CALHM4: variants seen among roughly 807,000 people sequenced by gnomAD.
CALHM4 encodes calcium homeostasis modulator protein 4.
In CALHM4, 16 loss-of-function variants were observed where a neutral mutation model predicts 13.3. That is an observed-to-expected ratio of 1.20 (90% confidence interval 0.81 to 1.82). The LOEUF (loss-of-function observed/expected upper bound fraction) is 1.82, where lower values mean the gene tolerates loss of function less well. CALHM4 is among the 40% of genes most tolerant of loss of function. The probability of loss-of-function intolerance (pLI) is 0.00; values close to 1 mark genes in which losing one functional copy is unlikely to be tolerated. For synonymous variants in CALHM4, 127 were observed against 137.1 expected (o/e 0.93, Z 0.52); for missense variants, 344 against 374.9 (o/e 0.92, Z 0.68).
intron 2 of CALHM4, among the ~76,000 whole-genome samples, chr6:116,546,315 A>G (rs1773779765): frequency 1.3e-5 from 2 of 152,204 alleles, no homozygotes; most frequent in Non-Finnish European, 2.9e-5. Flanking sequence ...TTATTTACGC[A>G]GAAATACTTA....
At chr6:116,535,368 A>G (rs1045806065) in intron 1 of CALHM4, among the ~76,000 whole-genome samples, 4 of 152,218 alleles carry the variant, frequency 2.6e-5, no homozygotes, top group African/African-American at 9.6e-5. Context: ...GCCAGTGCTC[A>G]TCTACTGGTG....
At chr6:116,545,441 G>A (rs1031916701) in intron 2 of CALHM4, 6 of 1,519,462 alleles carry the variant, frequency 3.9e-6, no homozygotes, top group Middle Eastern at 1.8e-4. Context: ...TTTCTCTGAA[G>A]TAGAAAAAAT....
intron 1 of CALHM4, 83 bp from the exon 2 acceptor site, chr6:116,557,742 T>C (rs1774389058): frequency 2.7e-6 from 4 of 1,477,268 alleles, no homozygotes; most frequent in Non-Finnish European, 3.7e-6. Flanking sequence ...CTTAGGTTTG[T>C]AGGAATCCCC....
chr6:116,532,271 T>C (rs771477106), intron 1 of CALHM4, among the ~76,000 whole-genome samples: 2 of 152,210 alleles, frequency 1.3e-5, no homozygotes, highest in Non-Finnish European at 2.9e-5. Flanking sequence ...TTGTCTTTTT[T>C]TTCCTTTTTC....
At chr6:116,532,057 AG>A (rs1190664747) in intron 1 of CALHM4, among the ~76,000 whole-genome samples, 4 of 152,160 alleles carry the variant, frequency 2.6e-5, no homozygotes, top group Non-Finnish European at 5.9e-5. Flanking sequence ...GTGAACAACC[AG>A]GTACTTTTAG....
rs138835297 is a variant in CALHM4 at position 116,546,350 on chromosome 6, A to G, written c.-1+2478A>G. On this transcript the variant is annotated intron_variant, in intron 2 of 2. Transcript: ENST00000368597. ...AAAGTTCAAATAAAAAAATCCTTTC[A>G]CCTTGACAACTGCAGGGTGCAGAGT... Among the ~76,000 whole-genome samples the G allele has an allele frequency of 2.6e-3, 392 of 152,298 alleles. 1 individual carries two copies. The highest frequency in any genetic ancestry group is 9.0e-3 in the African/African-American group (376 of 41,556).
intron 1 of CALHM4, among the ~76,000 whole-genome samples, chr6:116,529,424 G>A (rs1049358923): frequency 2.6e-5 from 4 of 152,150 alleles, no homozygotes; most frequent in African/African-American, 9.7e-5. Context: ...TAATGGAAGG[G>A]AAATATGGGG....
chr6:116,529,343 A>AT (rs1197926574), intron 1 of CALHM4, among the ~76,000 whole-genome samples: 1 of 152,200 alleles, frequency 6.6e-6, no homozygotes, highest in Non-Finnish European at 1.5e-5. Context: ...TTATTCTAAG[A>AT]TAAGACAGTG....
intron 2 of CALHM4, among the ~76,000 whole-genome samples, chr6:116,544,728 G>A (rs1169546784): frequency 6.6e-6 from 1 of 152,098 alleles, no homozygotes; most frequent in Non-Finnish European, 1.5e-5. Flanking sequence ...CAGAAGGCCA[G>A]AGGAGGTATC....
At chr6:116,543,447 A>AG in intron 1 of CALHM4, 9 of 1,385,106 alleles carry the variant, frequency 6.5e-6, no homozygotes, top group Non-Finnish European at 8.9e-6. Context: ...TTATGACAGT[A>AG]TACTACTGTA....
intron 1 of CALHM4, among the ~76,000 whole-genome samples, chr6:116,539,211 TA>T (rs1478814115): frequency 6.6e-6 from 1 of 152,196 alleles, no homozygotes; most frequent in Admixed American, 6.5e-5. Flanking sequence ...TTAGTTTCAT[TA>T]AAAAATGTTT....
intron 1 of CALHM4, 149 bp downstream of exon 1, chr6:116,554,500 A>AAT: frequency 1.3e-6 from 1 of 755,020 alleles, no homozygotes; most frequent in South Asian, 2.3e-5. Context: ...CTACTGAGCA[A>AAT]ATATATATAG....
At chr6:116,540,554 G>A in intron 1 of CALHM4, 1 of 1,289,602 alleles carries the variant, frequency 7.8e-7, no homozygotes, top group South Asian at 1.3e-5. Flanking sequence ...TTTAGCACTT[G>A]TGCAAGTGAA....
upstream of CALHM4, among the ~76,000 whole-genome samples, chr6:116,550,019 T>TAC (rs1436091121): frequency 2.7e-5 from 2 of 74,430 alleles, no homozygotes; most frequent in African/African-American, 4.9e-5. Flanking sequence ...TATATATATA[T>TAC]ATATATACAC....
At chr6:116,543,716 C>G (rs1773600966) in intron 1 of CALHM4, 14 of 1,045,930 alleles carry the variant, frequency 1.3e-5, no homozygotes, top group Non-Finnish European at 1.8e-5. Flanking sequence ...ATACTAATTT[C>G]TAACATAAAT....
chr6:116,555,393 T>G (rs1774265297), intron 1 of CALHM4, among the ~76,000 whole-genome samples: 2 of 152,212 alleles, frequency 1.3e-5, no homozygotes, highest in African/African-American at 2.4e-5. Context: ...TTTCTTAAAG[T>G]CAAAACAAAA....
At chr6:116,540,963 T>C (rs552506251) in intron 1 of CALHM4, among the ~76,000 whole-genome samples, 1 of 152,252 alleles carries the variant, frequency 6.6e-6, no homozygotes, top group African/African-American at 2.4e-5. Flanking sequence ...AAAATTTTTG[T>C]TGCCAGTGAG....
intron 1 of CALHM4, among the ~76,000 whole-genome samples, chr6:116,539,290 T>C (rs973566381): frequency 1.3e-5 from 2 of 152,240 alleles, no homozygotes; most frequent in Admixed American, 6.5e-5. Context: ...AGGGACTTTT[T>C]TCCCCAGCCT....
intron 2 of CALHM4, chr6:116,545,636 G>T: frequency 2.5e-6 from 2 of 805,654 alleles, no homozygotes; most frequent in South Asian, 2.1e-5. Context: ...TGAGACAGGA[G>T]TGCTGCTTCT....
Sources: allele counts gnomAD v4.1 joint callset (sites outside exome capture counted in the v4.1 genomes callset), GRCh38; gene constraint gnomAD v4.1.1; transcripts MANE v1.5; gene names NCBI Gene and HGNC (gene_info 2026-07-23, HGNC 2026-07-21).